Variants in GBF1 observed in about 807,000 individuals in gnomAD.
GBF1 encodes the protein Golgi-specific brefeldin A-resistance guanine nucleotide exchange factor 1.
Under a neutral mutation model 210.5 loss-of-function variants are expected in GBF1, and 114 were observed. The ratio of observed to expected loss-of-function variants is 0.54; its 90% confidence interval spans 0.47 to 0.63. The LOEUF is 0.63. GBF1 is among the 30% of genes least tolerant of loss of function. The probability of loss-of-function intolerance (pLI) is 0.00; values close to 1 mark genes in which losing one functional copy is unlikely to be tolerated. For synonymous variants in GBF1, 850 were observed against 889.2 expected (o/e 0.96, Z 0.78); for missense variants, 1,851 against 2,357.7 (o/e 0.79, Z 4.45).
rs564909066 is a variant in GBF1 at position 102,271,634 on chromosome 10, C to T, written c.163+11518C>T. Among the ~76,000 whole-genome samples the T allele has an allele frequency of 7.3e-5, 11 of 151,410 alleles. 1 individual carries two copies. Among genetic ancestry groups the T allele is most frequent in the African/African-American group, 2.7e-4 (11 of 41,230 alleles). ...GGTATCATTTAACTTGTTCCTCTTT[C>T]CCGTATGTTATGTACTAAAAGGATT... On this transcript the variant is annotated intron_variant, in intron 3 of 39. Coordinates refer to ENST00000369983, the MANE Select transcript of GBF1 (RefSeq NM_001377137.1).
chr10:102,242,256 C>T (rs529294506), upstream of GBF1, among the ~76,000 whole-genome samples: 13 of 152,298 alleles, frequency 8.5e-5, no homozygotes, highest in African/African-American at 3.1e-4. Flanking sequence ...CGAACTGCAC[C>T]ATCACTGAGT....
chr10:102,259,912 G>C (rs1195654621), intron 2 of GBF1, 138 bp from the exon 3 acceptor site: 1 of 586,050 alleles, frequency 1.7e-6, no homozygotes, highest in African/African-American at 1.9e-5. Flanking sequence ...ATGAACTATG[G>C]CTAATTTTCT....
intron 3 of GBF1, among the ~76,000 whole-genome samples, chr10:102,268,532 A>G (rs1349127437): frequency 6.6e-6 from 1 of 152,132 alleles, no homozygotes; most frequent in Non-Finnish European, 1.5e-5. Flanking sequence ...ACTTCTGAGT[A>G]TATGCCCAAC....
intron 3 of GBF1, among the ~76,000 whole-genome samples, chr10:102,322,718 CAAAAAAAAAAAA>C (rs61470777): frequency 2.5e-5 from 2 of 80,480 alleles, no homozygotes; most frequent in African/African-American, 5.1e-5. Context: ...CTCATCTCTA[CAAAAAAAAAAAA>C]AAAAAAAAAA....
At chr10:102,326,092 T>A (rs966634621) in intron 3 of GBF1, among the ~76,000 whole-genome samples, 2 of 152,254 alleles carry the variant, frequency 1.3e-5, no homozygotes, top group African/African-American at 4.8e-5. Flanking sequence ...GTGGCAGCTC[T>A]GGAACTAAAG....
At chr10:102,266,189 A>G (rs1331816714) in intron 3 of GBF1, among the ~76,000 whole-genome samples, 1 of 151,938 alleles carries the variant, frequency 6.6e-6, no homozygotes, top group Non-Finnish European at 1.5e-5. Context: ...CAGTGAGCCG[A>G]GATCGTGCCA....
intron 3 of GBF1, among the ~76,000 whole-genome samples, chr10:102,262,146 A>G (rs1291070214): frequency 6.6e-6 from 1 of 152,192 alleles, no homozygotes; most frequent in Non-Finnish European, 1.5e-5. Context: ...TGGCCTCCCA[A>G]CCATATTTTC....
intron 3 of GBF1, among the ~76,000 whole-genome samples, chr10:102,333,558 G>C (rs2057495663): frequency 6.6e-6 from 1 of 151,552 alleles, no homozygotes; most frequent in Non-Finnish European, 1.5e-5. Context: ...TCAGCTTCCT[G>C]AGTAGCCAGG....
chr10:102,323,738 C>T (rs1161839612), intron 3 of GBF1, among the ~76,000 whole-genome samples: 1 of 152,054 alleles, frequency 6.6e-6, no homozygotes, highest in South Asian at 2.1e-4. Context: ...AATTTCAGTA[C>T]CAAATAACTA....
intron 4 of GBF1, among the ~76,000 whole-genome samples, chr10:102,345,364 T>C (rs2058473330): frequency 6.6e-6 from 1 of 151,226 alleles, no homozygotes; most frequent in African/African-American, 2.4e-5. Context: ...TTTAATGGTA[T>C]TAACTTGACC....
chr10:102,259,259 T>C (rs2072878335), intron 2 of GBF1, among the ~76,000 whole-genome samples: 2 of 152,214 alleles, frequency 1.3e-5, no homozygotes, highest in African/African-American at 4.8e-5. Flanking sequence ...AATATTTTTG[T>C]AAACAGCTTA....
intron 3 of GBF1, among the ~76,000 whole-genome samples, chr10:102,282,221 C>T (rs2075566628): frequency 6.6e-6 from 1 of 151,954 alleles, no homozygotes; most frequent in Non-Finnish European, 1.5e-5. Flanking sequence ...AGGTGTGAGC[C>T]ACCGCGCCCG....
rs754771960 is a variant in GBF1, at chr10:102,368,419, G to A, written c.2844G>A (p.Glu948=). The A allele has an allele frequency of 1.7e-5, 28 of 1,613,172 alleles. No individual in the cohort carries two copies. The East Asian group carries it at 6.2e-4, about 36-fold the overall frequency. The change falls in exon 22 of 40, where the codon GAG becomes GAA. Residue 948 remains glutamate (E), a synonymous_variant. Transcript: ENST00000369983. ...CTTATGTCTTTGACAAAAGCCTTGA[G>A]GAGACAATCATCCAGAAAGCCATCT... ...ALSYVFDKSL[E]ETIIQKAISG... is the part of the protein sequence containing the mutation.
At chr10:102,328,334 G>T (rs2057061679) in intron 3 of GBF1, among the ~76,000 whole-genome samples, 1 of 152,014 alleles carries the variant, frequency 6.6e-6, no homozygotes, top group Admixed American at 6.6e-5. Flanking sequence ...TCTCTACAAA[G>T]AAAAAATTTT....
At chr10:102,272,547 C>G (rs1245275560) in intron 3 of GBF1, among the ~76,000 whole-genome samples, 1 of 152,140 alleles carries the variant, frequency 6.6e-6, no homozygotes, top group Non-Finnish European at 1.5e-5. Flanking sequence ...ATATCCTGTC[C>G]TCTAATATCC....
chr10:102,342,963 G>A (rs2134560605), intron 3 of GBF1, among the ~76,000 whole-genome samples: 1 of 152,256 alleles, frequency 6.6e-6, no homozygotes, highest in East Asian at 1.9e-4. Context: ...AAACCACATA[G>A]GCTGGGTTCA....
intron 3 of GBF1, among the ~76,000 whole-genome samples, chr10:102,296,516 G>A (rs939616976): frequency 1.3e-5 from 2 of 152,206 alleles, no homozygotes; most frequent in East Asian, 1.9e-4. Context: ...AGGCCAAGGC[G>A]GGTAGATCAT....
chr10:102,274,877 A>G (rs2479550), intron 3 of GBF1, among the ~76,000 whole-genome samples: 10,796 of 151,570 alleles, frequency 0.071, 523 homozygotes, highest in Middle Eastern at 0.17. Context: ...ACGCCAGACT[A>G]ATTTTTGTAT....
intron 3 of GBF1, among the ~76,000 whole-genome samples, chr10:102,271,906 C>G (rs1201845988): frequency 6.6e-6 from 1 of 151,862 alleles, no homozygotes; most frequent in African/African-American, 2.4e-5. Flanking sequence ...TGCATGCCAT[C>G]ATGCCCAGCC....
Sources: gnomAD v4.1 joint callset for allele counts (sites outside exome capture counted in the v4.1 genomes callset) on GRCh38, gnomAD v4.1.1 for gene constraint, MANE v1.5 for transcripts, NCBI Gene and HGNC (gene_info 2026-07-23, HGNC 2026-07-21) for gene names.